The following ZDHHC15 variants were observed in gnomAD, a reference collection of about 807,000 sequenced individuals.
The protein encoded by ZDHHC15 is palmitoyltransferase ZDHHC15.
Under a neutral mutation model 31.7 loss-of-function variants are expected in ZDHHC15, and 19 were observed. That is an observed-to-expected ratio of 0.60 (90% CI 0.42 to 0.88). The LOEUF (loss-of-function observed/expected upper bound fraction) is 0.88, where lower values mean the gene tolerates loss of function less well. Among genes scored for constraint, ZDHHC15 ranks in the 40% least tolerant of loss-of-function variants. The pLI, the probability that ZDHHC15 is intolerant of heterozygous loss-of-function variation, is 0.00. For missense variants in ZDHHC15, 209 were observed against 251.2 expected (o/e 0.83, Z 1.14); for synonymous variants, 103 against 90.0 (o/e 1.14, Z -0.82).
intron 7 of ZDHHC15, among the ~76,000 whole-genome samples, chrX:75,428,804 T>C (rs1411851077): frequency 8.9e-6 from 1 of 111,783 alleles, no homozygotes; most frequent in Non-Finnish European, 1.9e-5. Flanking sequence ...AAATACATTG[T>C]AAAGAATCAA....
chrX:75,379,094 GTA>G, intron 11 of ZDHHC15, 24 bp downstream of exon 11: 2 of 1,166,426 alleles, frequency 1.7e-6, no homozygotes, highest in Non-Finnish European at 2.3e-6. Context: ...AGGTGCCACT[GTA>G]TGTGTCTCCC....
intron 1 of ZDHHC15, among the ~76,000 whole-genome samples, chrX:75,517,815 C>T (rs1283093682): frequency 9.2e-6 from 1 of 109,032 alleles, no homozygotes; most frequent in Admixed American, 9.8e-5. Context: ...GGCTAAAATA[C>T]CTAAAGGTGA....
At chrX:75,475,380 T>G (rs1471921822) in intron 3 of ZDHHC15, among the ~76,000 whole-genome samples, 1 of 111,913 alleles carries the variant, frequency 8.9e-6, no homozygotes, top group East Asian at 2.8e-4. Flanking sequence ...TTGGATCTAT[T>G]TTAAGTTAAT....
chrX:75,412,070 T>A (rs866191264), intron 10 of ZDHHC15, among the ~76,000 whole-genome samples: 44 of 112,097 alleles, frequency 3.9e-4, no homozygotes, highest in Middle Eastern at 9.1e-3. Flanking sequence ...AAAACCACCA[T>A]GAGATATCAC....
At chrX:75,443,901 A>C (rs1421961830) in intron 4 of ZDHHC15, among the ~76,000 whole-genome samples, 2 of 111,851 alleles carry the variant, frequency 1.8e-5, no homozygotes, top group African/African-American at 6.5e-5. Context: ...AGAAATGCAA[A>C]TCAAAACCAC....
intron 10 of ZDHHC15, among the ~76,000 whole-genome samples, chrX:75,410,381 G>A (rs1425096931): frequency 9.1e-6 from 1 of 109,863 alleles, no homozygotes; most frequent in Admixed American, 9.7e-5. Flanking sequence ...GAAAAAAAAA[G>A]AAAAGAAAAA....
At chrX:75,381,579 A>G (rs1436613193) in intron 10 of ZDHHC15, among the ~76,000 whole-genome samples, 1 of 111,752 alleles carries the variant, frequency 8.9e-6, no homozygotes, top group Admixed American at 9.5e-5. Context: ...TCTAAAATTA[A>G]CCTTTCCTTA....
At chrX:75,445,018 T>C (rs2084013896) in intron 4 of ZDHHC15, among the ~76,000 whole-genome samples, 1 of 109,811 alleles carries the variant, frequency 9.1e-6, no homozygotes, top group African/African-American at 3.3e-5. Flanking sequence ...GTGCTTATAC[T>C]TTGGGCTCAA....
At chrX:75,408,986 G>C (rs778997909) in intron 10 of ZDHHC15, among the ~76,000 whole-genome samples, 35 of 112,097 alleles carry the variant, frequency 3.1e-4, no homozygotes, top group Middle Eastern at 4.6e-3. Context: ...TGCATGGATT[G>C]GAAGAAGAAT....
At chrX:75,389,812 T>A (rs2083221449) in intron 10 of ZDHHC15, among the ~76,000 whole-genome samples, 2 of 111,601 alleles carry the variant, frequency 1.8e-5, no homozygotes, top group African/African-American at 6.5e-5. Flanking sequence ...CAGAGACTCA[T>A]TCTGCTTGAT....
intron 2 of ZDHHC15, 124 bp from the exon 3 acceptor site, chrX:75,479,109 A>G: frequency 2.3e-6 from 1 of 431,105 alleles, no homozygotes; most frequent in Non-Finnish European, 3.7e-6. Flanking sequence ...TGGTATTATT[A>G]TGAAGTGTTA....
intron 10 of ZDHHC15, among the ~76,000 whole-genome samples, chrX:75,412,625 G>T (rs776339248): frequency 2.4e-4 from 27 of 110,644 alleles, no homozygotes; most frequent in African/African-American, 8.5e-4. Flanking sequence ...TAGAGATGGG[G>T]TTTCACTGTG....
intron 2 of ZDHHC15, among the ~76,000 whole-genome samples, chrX:75,489,732 C>T (rs769765432): frequency 8.9e-6 from 1 of 112,583 alleles, no homozygotes. Flanking sequence ...TGGAACAAAG[C>T]TGAACGGAGA....
intron 2 of ZDHHC15, among the ~76,000 whole-genome samples, chrX:75,485,331 C>G (rs1291268102): frequency 8.1e-5 from 9 of 111,216 alleles, no homozygotes; most frequent in Admixed American, 6.7e-4. Flanking sequence ...TCTAACTTGA[C>G]TTCCCAGTCT....
chrX:75,447,495 G>A (rs2084050424), intron 4 of ZDHHC15, among the ~76,000 whole-genome samples: 1 of 112,092 alleles, frequency 8.9e-6, no homozygotes, highest in African/African-American at 3.2e-5. Flanking sequence ...TCATCCTGAA[G>A]CAGCTAGCTT....
intron 3 of ZDHHC15, among the ~76,000 whole-genome samples, chrX:75,472,181 TC>T (rs1459745355): frequency 9.0e-6 from 1 of 111,449 alleles, no homozygotes; most frequent in Non-Finnish European, 1.9e-5. Context: ...TTGCCTTCTC[TC>T]CCCCAGCCTG....
At chrX:75,386,753 A>G (rs966268705) in intron 10 of ZDHHC15, among the ~76,000 whole-genome samples, 1 of 112,562 alleles carries the variant, frequency 8.9e-6, no homozygotes, top group Admixed American at 9.4e-5. Context: ...CTGGGATTAC[A>G]GGCATGAGCC....
chrX:75,444,166 C>G (rs1371791111), intron 4 of ZDHHC15, among the ~76,000 whole-genome samples: 3 of 110,963 alleles, frequency 2.7e-5, no homozygotes, highest in South Asian at 3.9e-4. Context: ...GACACATGCA[C>G]ACGTATGTTT....
At chrX:75,393,472 A>T (rs1360370985) in intron 10 of ZDHHC15, among the ~76,000 whole-genome samples, 1 of 111,323 alleles carries the variant, frequency 9.0e-6, no homozygotes, top group African/African-American at 3.3e-5. Flanking sequence ...TAAGGTCAAA[A>T]GTATTATGTA....
Sources: allele counts gnomAD v4.1 joint callset (sites outside exome capture counted in the v4.1 genomes callset), GRCh38; gene constraint gnomAD v4.1.1; transcripts MANE v1.5; gene names NCBI Gene and HGNC (gene_info 2026-07-23, HGNC 2026-07-21).